The following DYSF variants were observed in gnomAD, a reference collection of about 807,000 sequenced individuals.
DYSF encodes the protein dysferlin.
A neutral mutation model predicts 274.9 loss-of-function variants in DYSF; 212 were observed. The ratio of observed to expected loss-of-function variants is 0.77; its 90% confidence interval spans 0.69 to 0.86. The LOEUF (loss-of-function observed/expected upper bound fraction) is 0.86. DYSF is among the 40% of genes least tolerant of loss of function. The pLI is 0.00. For synonymous variants in DYSF, 1,091 were observed against 1,078.7 expected (o/e 1.01, Z -0.22); for missense variants, 2,666 against 2,783.2 (o/e 0.96, Z 0.95).
At chr2:71,598,852 C>A in intron 33 of DYSF, 107 bp downstream of exon 33, 1 of 1,278,576 alleles carries the variant, frequency 7.8e-7, no homozygotes. Flanking sequence ...GCTCTCCTAA[C>A]TCCACGGGCC....
At chr2:71,568,391 G>GGACT in intron 26 of DYSF, 53 bp downstream of exon 26, 1 of 1,601,550 alleles carries the variant, frequency 6.2e-7, no homozygotes, top group Non-Finnish European at 8.5e-7. Flanking sequence ...TGCCCACCAT[G>GGACT]GACTGCACCC....
intron 42 of DYSF, among the ~76,000 whole-genome samples, chr2:71,644,518 T>C (rs988634117): frequency 3.3e-5 from 5 of 152,142 alleles, no homozygotes; most frequent in Non-Finnish European, 5.9e-5. Context: ...AGTAGAAAAT[T>C]TGTGTTAAAA....
At chr2:71,661,007 C>T (rs1358163450) in intron 45 of DYSF, among the ~76,000 whole-genome samples, 1 of 150,350 alleles carries the variant, frequency 6.7e-6, no homozygotes, top group Non-Finnish European at 1.5e-5. Context: ...GTTCCAGATA[C>T]TTGGGAGGCT....
Position 71,533,769 on chromosome 2 carries a change from C to T in DYSF, c.1381-1252C>T, listed in dbSNP as rs192792491. Among the ~76,000 whole-genome samples the T allele has an allele frequency of 4.6e-5, 7 of 152,334 alleles. No individual in the cohort carries two copies. The East Asian group carries it at 1.3e-3, about 29-fold the overall frequency. ...TGCAGTTTTCCCATAGCCTTGCCAACAGTGGTCTATCAGACTTTAGAGATT... is the reference window on the plus strand; with the variant it reads ...TGCAGTTTTCCCATAGCCTTGCCAATAGTGGTCTATCAGACTTTAGAGATT... On this transcript the variant is annotated intron_variant, in intron 14 of 55. Coordinates refer to ENST00000410020, the MANE Select transcript of DYSF (RefSeq NM_001130987.2).
chr2:71,577,321 C>G (rs1267560408), intron 30 of DYSF, among the ~76,000 whole-genome samples: 1 of 151,618 alleles, frequency 6.6e-6, no homozygotes, highest in African/African-American at 2.4e-5. Flanking sequence ...CACACCAACA[C>G]AGTCTCTCTC....
chr2:71,456,133 T>C (rs1462796766), intron 1 of DYSF, among the ~76,000 whole-genome samples: 1 of 151,974 alleles, frequency 6.6e-6, no homozygotes, highest in Admixed American at 6.6e-5. Context: ...ATCTGCTTTT[T>C]GCCTGCTGCC....
In DYSF at chr2:71,493,853, AAAAAAAAAAAAAAAAAAAAAAG is replaced by A. The variant is rs936324729; in HGVS notation, c.240-9357_240-9336del. On this transcript the variant is annotated intron_variant, in intron 3 of 55. Coordinates refer to ENST00000410020, the MANE Select transcript of DYSF (RefSeq NM_001130987.2). ...GGTGATAGAGTGATACTCTGTCTCA[AAAAAAAAAAAAAAAAAAAAAAG>A]AAAGAAAGAAACACAAAGGTTTTTT... Among the ~76,000 whole-genome samples, 248 of 134,282 alleles carry A rather than the reference AAAAAAAAAAAAAAAAAAAAAAG, an allele frequency of 1.8e-3. 2 individuals carry two copies. The East Asian group carries it at 0.04, about 22-fold the overall frequency. The allele number at this position is 134,282 out of a possible 152,430, so 88.1% of individuals were successfully genotyped here.
At chr2:71,595,873 T>A (rs1211715193) in intron 32 of DYSF, among the ~76,000 whole-genome samples, 1 of 152,242 alleles carries the variant, frequency 6.6e-6, no homozygotes, top group East Asian at 1.9e-4. Flanking sequence ...CACCTTCCCC[T>A]CCACCGCTTT....
intron 45 of DYSF, among the ~76,000 whole-genome samples, chr2:71,663,041 G>GTGCATATTTGTGTGTGTATGTCTGTGT (rs1558764048): frequency 6.6e-6 from 1 of 152,230 alleles, no homozygotes; most frequent in Non-Finnish European, 1.5e-5. Flanking sequence ...GTGTGTGTGT[G>GTGCATATTTGTGTGTGTATGTCTGTGT]CGCGCACGCG....
At chr2:71,673,831 C>G in intron 51 of DYSF, among the ~76,000 whole-genome samples, 1 of 152,094 alleles carries the variant, frequency 6.6e-6, no homozygotes, top group East Asian at 1.9e-4. Flanking sequence ...AGAGGGCCAA[C>G]GCATAGGAAG....
intron 12 of DYSF, among the ~76,000 whole-genome samples, chr2:71,525,584 G>A (rs1379413773): frequency 6.6e-6 from 1 of 152,200 alleles, no homozygotes; most frequent in East Asian, 1.9e-4. Context: ...GGGGTGCTAT[G>A]AGGATTAAAT....
Position 71,668,827 on chromosome 2 carries a change from C to A in DYSF, c.5531C>A (p.Pro1844Gln), listed in dbSNP as rs2095065244. 3.1e-6 allele frequency: 5 copies of A among 1,613,274 alleles called. No individual in the cohort carries two copies. In the African/African-American group the frequency reaches 5.3e-5, roughly 17 times the overall value. ...CCTGGACCTCCCTTCAACATCACCC[C>A]ACGGAGAGCCAGAAGGTGACTTGCC... ...GRPGPPFNIT[P>Q]RRARRFFLRC... Residue 1844 changes from proline to glutamine, a missense_variant, in exon 49 of 56, where the codon CCA becomes CAA. Physicochemically the swap from Pro to Gln is moderately conservative, Grantham distance 76. Transcript: ENST00000410020.
rs773476693 is a variant in DYSF at position 71,528,278 on chromosome 2, T to A, written c.1277-20T>A. ...GGAGAGACAGCAGGCAGGCAGTGAC[T>A]GGTGTGTCCCTCTTCCCAGTGGACG... On this transcript the variant is annotated intron_variant, in intron 13 of 55. Coordinates refer to ENST00000410020, the MANE Select transcript of DYSF (RefSeq NM_001130987.2). The A allele has an allele frequency of 6.2e-7, 1 of 1,607,038 alleles. No individual in the cohort carries two copies. Among genetic ancestry groups the A allele is most frequent in the Non-Finnish European group, 8.5e-7 (1 of 1,174,680 alleles).
At chr2:71,571,909 A>C (rs532456066) in intron 29 of DYSF, among the ~76,000 whole-genome samples, 3 of 138,322 alleles carry the variant, frequency 2.2e-5, no homozygotes, top group South Asian at 4.8e-4. Flanking sequence ...ACACACACAG[A>C]TCACACCCAG....
At chr2:71,631,534 T>G (rs2094312511) in intron 41 of DYSF, among the ~76,000 whole-genome samples, 1 of 152,190 alleles carries the variant, frequency 6.6e-6, no homozygotes, top group Non-Finnish European at 1.5e-5. Context: ...AATCTGGACC[T>G]TCCTTTGTGA....
rs72904647 is a variant in DYSF at position 71,662,044 on chromosome 2, G to A, written c.5003+1393G>A. Among the ~76,000 whole-genome samples the A allele has an allele frequency of 0.055, 8,349 of 152,168 alleles. 798 individuals are homozygous for A. Among genetic ancestry groups the A allele is most frequent in the African/African-American group, 0.19 (7,934 of 41,480 alleles). On this transcript the variant is annotated intron_variant, in intron 45 of 55. Transcript: ENST00000410020. ...GGGTGGGCGTGTGTCAGGACTCAGG[G>A]GAGATAGGGGAGCCAGTGCAGGAAC...
At chr2:71,597,301 G>C (rs1165404168) in intron 32 of DYSF, among the ~76,000 whole-genome samples, 1 of 152,188 alleles carries the variant, frequency 6.6e-6, no homozygotes, top group Non-Finnish European at 1.5e-5. Context: ...ATGGAGTAGG[G>C]TGCCAAGGGT....
At chr2:71,551,959 T>C (rs2090981682) in intron 19 of DYSF, among the ~76,000 whole-genome samples, 2 of 152,146 alleles carry the variant, frequency 1.3e-5, no homozygotes, top group South Asian at 4.1e-4. Context: ...ATTCAAAAAG[T>C]CTAGAGCTTG....
intron 35 of DYSF, 57 bp from the exon 36 acceptor site, chr2:71,602,699 ACTAATAGAGAACTTTTTCCC>A (rs1574288045): frequency 1.3e-6 from 2 of 1,525,480 alleles, no homozygotes; most frequent in African/African-American, 2.7e-5. Context: ...GCGCCTTGAT[ACTAATAGAGAACTTTTTCCC>A]CTTCCAACCC....
Sources: allele counts gnomAD v4.1 joint callset (sites outside exome capture counted in the v4.1 genomes callset), GRCh38; gene constraint gnomAD v4.1.1; transcripts MANE v1.5; gene names NCBI Gene and HGNC (gene_info 2026-07-23, HGNC 2026-07-21).